Variants in GOLGA2 observed in about 807,000 individuals in gnomAD.
GOLGA2 encodes the protein golgin subfamily A member 2.
GOLGA2 carries 49 observed loss-of-function variants against 148.8 expected under a neutral mutation model. That is an observed-to-expected ratio of 0.33 (90% confidence interval 0.26 to 0.42). The LOEUF (loss-of-function observed/expected upper bound fraction) is 0.42. GOLGA2 is among the 10% of genes least tolerant of loss of function. GOLGA2 has a pLI of 1.00. For missense variants in GOLGA2, 1,178 were observed against 1,304.6 expected (o/e 0.90, Z 1.49); for synonymous variants, 501 against 511.8 (o/e 0.98, Z 0.28).
At position 128,258,211 on chromosome 9, in the gene GOLGA2, G is replaced by A. The variant is rs1830025262; in HGVS notation, c.2290-13C>T. 6.4e-7 allele frequency: 1 copy of A among 1,565,286 alleles called. No homozygotes were observed. The highest frequency in any genetic ancestry group is 1.4e-5 in the African/African-American group (1 of 74,026). ...TGAAAAATGCCACCTGCAGGCAAGA[G>A]GGGTGCATTCTTGTAGGAGGATATA... On this transcript the variant is annotated splice_polypyrimidine_tract_variant and intron_variant, in intron 22 of 26. Coordinates refer to ENST00000611957, the MANE Select transcript of GOLGA2 (RefSeq NM_001366244.2). The surrounding 1 kb of genome is among the most constrained non-coding windows in gnomAD (Gnocchi z 6.6).
At chr9:128,267,009 G>A (rs755333777) in intron 8 of GOLGA2, 185 bp downstream of exon 8, 3 of 637,866 alleles carry the variant, frequency 4.7e-6, no homozygotes, top group African/African-American at 1.8e-5. Context: ...GGCAAAGAGG[G>A]CAGCAACAGA....
Position 128,266,527 on chromosome 9 carries a change from G to A in GOLGA2, c.643-202C>T, listed in dbSNP as rs369525855. ...TTGTTGGTTTTTGCCCACAGCCACA[G>A]AACTGAAAGTCTGAATCTCGATTCT... On this transcript the variant is annotated intron_variant, in intron 8 of 26. Coordinates refer to ENST00000611957, the MANE Select transcript of GOLGA2 (RefSeq NM_001366244.2). The surrounding 1 kb of genome is among the most constrained non-coding windows in gnomAD (Gnocchi z 4.2). 1.1e-4 allele frequency: 67 copies of A among 606,488 alleles called. No homozygotes were observed. The South Asian group carries it at 1.3e-3, about 12-fold the overall frequency. 37.6% of individuals were successfully genotyped at this position (606,488 alleles called of 1,614,324 possible). A position where few individuals can be genotyped will look rare whatever the true frequency, so the allele number is the denominator to read the frequency against.
At chr9:128,259,938 C>A in intron 19 of GOLGA2, 138 bp downstream of exon 19, 3 of 695,464 alleles carry the variant, frequency 4.3e-6, no homozygotes, top group Non-Finnish European at 7.7e-6. Context: ...GGGCAGGGAG[C>A]AAGAAACAGT....
intron 3 of GOLGA2, among the ~76,000 whole-genome samples, chr9:128,269,735 C>T (rs1830819194): frequency 6.6e-6 from 1 of 152,230 alleles, no homozygotes; most frequent in Non-Finnish European, 1.5e-5. Context: ...GAGCCAGGGC[C>T]TGGCCACGGA....
Position 128,267,535 on chromosome 9 carries a change from G to A in GOLGA2, c.502-18C>T. ...GTCGCAGACTATAAGAGACGAGAGT[G>A]CACATGGAGATGTTCTGTCCCCTCA... is the stretch of plus-strand genomic sequence containing the variant. On this transcript the variant is annotated intron_variant, in intron 6 of 26. Transcript: ENST00000611957. 1.3e-6 allele frequency: 2 copies of A among 1,593,836 alleles called. No individual in the cohort carries two copies. Among genetic ancestry groups the A allele is most frequent in the South Asian group, 1.1e-5 (1 of 90,680 alleles).
At chr9:128,270,207 C>T (rs1029538619) in intron 3 of GOLGA2, among the ~76,000 whole-genome samples, 8 of 149,044 alleles carry the variant, frequency 5.4e-5, no homozygotes, top group African/African-American at 2.0e-4. Flanking sequence ...GATCTCCACT[C>T]ACTGCAACCT....
Position 128,259,333 on chromosome 9 carries a change from C to T in GOLGA2, c.1931G>A (p.Gly644Glu). 1 of 1,609,340 alleles carries T rather than the reference C, an allele frequency of 6.2e-7. No individual in the cohort carries two copies. Among genetic ancestry groups the T allele is most frequent in the African/African-American group, 1.3e-5 (1 of 74,938 alleles). Residue 644 changes from glycine (G) to glutamate (E), a missense_variant, in exon 20 of 27, where the codon GGA (glycine) becomes GAA (glutamate). By Grantham distance (98) the Gly-to-Glu change is moderately conservative. Around this residue, in one of 5 missense-constraint regions of GOLGA2, gnomAD observed 529 missense variants for 521.8 expected, o/e 1.01. Coordinates refer to ENST00000611957, the MANE Select transcript of GOLGA2 (RefSeq NM_001366244.2). ...SLQQQRDQYL[G>E]HLQQYVAAYQ... ...GGCGGCCACATACTGCTGCAGGTGT[C>T]CCAGGTACTGGTCTCGCTGCTGCTG...
rs565310226 is a variant in GOLGA2 at position 128,261,282 on chromosome 9, G to A, written c.1333-23C>T. On this transcript the variant is annotated intron_variant, in intron 16 of 26. Coordinates refer to ENST00000611957, the MANE Select transcript of GOLGA2 (RefSeq NM_001366244.2). This position sits in a 1 kb window ranked among gnomAD's most constrained non-coding sequence, Gnocchi z 5.7. ...CACCTGCCCAAAGCACAGCAAGAAA[G>A]GGCCCTGGAGAGGGGCTGGTGGCTG... The A allele has an allele frequency of 9.5e-6, 15 of 1,585,874 alleles. No individual in the cohort carries two copies. Among genetic ancestry groups the A allele is most frequent in the Non-Finnish European group, 1.3e-5 (15 of 1,154,596 alleles).
chr9:128,259,537 C>CTCGT (rs1830124968), intron 19 of GOLGA2, 146 bp from the exon 20 acceptor site: 1 of 607,258 alleles, frequency 1.6e-6, no homozygotes, highest in Admixed American at 3.0e-5. Context: ...TGTCTAGAGC[C>CTCGT]TCGTGCCTCC....
In GOLGA2 at chr9:128,261,346, G is replaced by A; in HGVS notation, c.1333-87C>T. The A allele has an allele frequency of 7.9e-7, 1 of 1,272,964 alleles. No individual in the cohort carries two copies. The highest frequency in any genetic ancestry group is 2.3e-5 in the East Asian group (1 of 43,282). The allele number at this position is 1,272,964 out of a possible 1,614,324, so 78.9% of individuals were successfully genotyped here. ...CTCCCTCTGCCCCCACCGCCACAAA[G>A]CCCAGACCCATGACCACCTCTGGCT... On this transcript the variant is annotated intron_variant, in intron 16 of 26. Transcript: ENST00000611957. The surrounding 1 kb of genome is among the most constrained non-coding windows in gnomAD (Gnocchi z 5.7).
chr9:128,263,576 C>A (rs930095795), intron 12 of GOLGA2, among the ~76,000 whole-genome samples: 2 of 152,154 alleles, frequency 1.3e-5, no homozygotes, highest in Non-Finnish European at 2.9e-5. Context: ...CGCCACCACA[C>A]CCGGCTAATT....
Position 128,256,431 on chromosome 9 carries a change from C to T in GOLGA2, c.*636G>A. ...CATGATGGGGGCGGAGCCTCCGGCC[C>T]CACTTCTCCAGGCTTTGCTGACAGT... On this transcript the variant is annotated 3_prime_UTR_variant, in exon 27 of 27. Coordinates refer to ENST00000611957, the MANE Select transcript of GOLGA2 (RefSeq NM_001366244.2). The T allele has an allele frequency of 6.6e-6, 1 of 152,394 alleles. No homozygotes were observed. The highest frequency in any genetic ancestry group is 2.4e-5 in the African/African-American group (1 of 41,446). 9.4% of individuals were successfully genotyped at this position (152,394 alleles called of 1,614,324 possible).
chr9:128,266,513 T>C lies in GOLGA2; in HGVS notation c.643-188A>G. On this transcript the variant is annotated intron_variant, in intron 8 of 26. Coordinates refer to ENST00000611957, the MANE Select transcript of GOLGA2 (RefSeq NM_001366244.2). This position sits in a 1 kb window ranked among gnomAD's most constrained non-coding sequence, Gnocchi z 4.2. ...GGGGATTTGTGTCTTTGTTGGTTTT[T>C]GCCCACAGCCACAGAACTGAAAGTC... The C allele has an allele frequency of 1.6e-6, 1 of 612,884 alleles. No homozygotes were observed. The highest frequency in any genetic ancestry group is 2.7e-5 in the East Asian group (1 of 36,560). 38.0% of individuals were successfully genotyped at this position (612,884 alleles called of 1,614,324 possible). A position where few individuals can be genotyped will look rare whatever the true frequency, so the allele number is the denominator to read the frequency against.
chr9:128,264,290 A>G (rs2131358265), intron 12 of GOLGA2, among the ~76,000 whole-genome samples: 1 of 151,482 alleles, frequency 6.6e-6, no homozygotes, highest in Admixed American at 6.6e-5. Context: ...GCTGGAGTGC[A>G]GTGGCGCCAT....
chr9:128,262,213 C>T (rs1391920155), intron 14 of GOLGA2, among the ~76,000 whole-genome samples: 1 of 151,164 alleles, frequency 6.6e-6, no homozygotes, highest in African/African-American at 2.4e-5. Flanking sequence ...GATCTCTACT[C>T]TCTATTATTA....
rs1227572933 is a variant in GOLGA2, at chr9:128,257,958, A to G, written c.2508+22T>C. ...GCCCCGCCCCCACCCTTCTTGACCC[A>G]TGCCAGGAGAGACTCATTCACCTGC... On this transcript the variant is annotated intron_variant, in intron 23 of 26. Coordinates refer to ENST00000611957, the MANE Select transcript of GOLGA2 (RefSeq NM_001366244.2). The surrounding 1 kb of genome is among the most constrained non-coding windows in gnomAD (Gnocchi z 8.0). The G allele has an allele frequency of 1.9e-6, 3 of 1,584,946 alleles. No homozygotes were observed. The Admixed American group carries it at 5.2e-5, about 27-fold the overall frequency.
Position 128,260,525 on chromosome 9 carries a change from G to A in GOLGA2, c.1698C>T (p.Leu566=). ...GCTCCTTGAGCTCCCGGTTCTGGGA[G>A]AGTGCGCGGCTGATGGTAGTGCGGT... ...QNDRTTISRA[L]SQNRELKEQL... The change falls in exon 18 of 27, where the codon CTC becomes CTT. Residue 566 remains leucine (L), a synonymous_variant. Coordinates refer to ENST00000611957, the MANE Select transcript of GOLGA2 (RefSeq NM_001366244.2). This position sits in a 1 kb window ranked among gnomAD's most constrained non-coding sequence, Gnocchi z 4.8. The A allele has an allele frequency of 6.2e-7, 1 of 1,613,444 alleles. No homozygotes were observed. Among genetic ancestry groups the A allele is most frequent in the African/African-American group, 1.3e-5 (1 of 75,052 alleles).
chr9:128,275,554 G>A, intron 1 of GOLGA2: 3 of 1,225,424 alleles, frequency 2.4e-6, no homozygotes, highest in Non-Finnish European at 3.2e-6. Flanking sequence ...AGTCACTGGC[G>A]AGGGCAGGGG....
At chr9:128,267,030 T>C (rs1424787750) in intron 8 of GOLGA2, 164 bp downstream of exon 8, 2 of 664,512 alleles carry the variant, frequency 3.0e-6, no homozygotes, top group Non-Finnish European at 5.5e-6. Flanking sequence ...AGAGCCATGC[T>C]GCATGCTCCG....
Sources: allele counts gnomAD v4.1 joint callset (sites outside exome capture counted in the v4.1 genomes callset), GRCh38; gene constraint gnomAD v4.1.1; regional missense constraint gnomAD v4.1.1; non-coding constraint Gnocchi (gnomAD v3.1); transcripts MANE v1.5; gene names NCBI Gene and HGNC (gene_info 2026-07-23, HGNC 2026-07-21).